The following MAGI2 variants were observed in gnomAD, a reference collection of about 807,000 sequenced individuals.
The protein encoded by MAGI2 is membrane-associated guanylate kinase, WW and PDZ domain-containing protein 2.
Under a neutral mutation model 133.3 loss-of-function variants are expected in MAGI2, and 35 were observed. That is an observed-to-expected ratio of 0.26 (90% CI 0.20 to 0.35). The LOEUF is 0.35. Ranked by LOEUF, MAGI2 falls within the 10% of genes least tolerant of loss-of-function variation. The pLI is 1.00. For synonymous variants in MAGI2, 729 were observed against 710.6 expected, an observed-to-expected ratio of 1.03 and a Z score of -0.41; for missense variants, 1,636 against 1,863.4, an observed-to-expected ratio of 0.88 and a Z score of 2.25.
intron 2 of MAGI2, among the ~76,000 whole-genome samples, chr7:78,954,698 C>T (rs1173726641): frequency 6.6e-6 from 1 of 152,150 alleles, no homozygotes; most frequent in Admixed American, 6.6e-5. Context: ...TACTGCATAA[C>T]ATTTAAAACA....
chr7:78,677,788 A>G (rs970445899), intron 2 of MAGI2, among the ~76,000 whole-genome samples: 2 of 152,146 alleles, frequency 1.3e-5, no homozygotes, highest in African/African-American at 2.4e-5. Context: ...GCGTCCAGTG[A>G]TATTAAATGA....
intron 20 of MAGI2, among the ~76,000 whole-genome samples, chr7:78,109,812 A>G (rs1485872347): frequency 1.5e-4 from 23 of 152,214 alleles, no homozygotes. Flanking sequence ...GGACCCATCT[A>G]GCTACTGGAA....
intron 2 of MAGI2, among the ~76,000 whole-genome samples, chr7:78,833,534 C>G (rs563181497): frequency 6.6e-6 from 1 of 152,232 alleles, no homozygotes; most frequent in South Asian, 2.1e-4. Context: ...CCGGATCCTG[C>G]AACAGTAAAG....
intron 1 of MAGI2, among the ~76,000 whole-genome samples, chr7:79,439,974 T>G (rs1848391720): frequency 6.6e-6 from 1 of 152,072 alleles, no homozygotes; most frequent in Non-Finnish European, 1.5e-5. Context: ...TCCCCTGAAA[T>G]AGCACCAATA....
At chr7:79,438,375 T>C (rs942159023) in intron 1 of MAGI2, among the ~76,000 whole-genome samples, 1 of 152,032 alleles carries the variant, frequency 6.6e-6, no homozygotes, top group African/African-American at 2.4e-5. Flanking sequence ...TTCCAATGCC[T>C]AATCTAAATT....
chr7:78,286,048 T>C (rs562061409), intron 9 of MAGI2, among the ~76,000 whole-genome samples: 4 of 152,304 alleles, frequency 2.6e-5, no homozygotes, highest in African/African-American at 9.6e-5. Context: ...TAGAATAAAG[T>C]GCACTGCATT....
In MAGI2 at chr7:78,225,938, A is replaced by G. The variant is rs987786077; in HGVS notation, c.2048-24745T>C. Among the ~76,000 whole-genome samples the G allele has an allele frequency of 2.6e-5, 4 of 152,224 alleles. No homozygotes were observed. In the East Asian group the frequency reaches 7.7e-4, roughly 29 times the overall value. On this transcript the variant is annotated intron_variant, in intron 10 of 21. Transcript: ENST00000354212. ...CAACGCCGAGGGTGCTGTTCACATGATAGATAAGTCTAAGACAGGGAGTGC... is the reference window on the plus strand; with the variant it reads ...CAACGCCGAGGGTGCTGTTCACATGGTAGATAAGTCTAAGACAGGGAGTGC...
chr7:78,680,863 G>C (rs1171701897), intron 2 of MAGI2, among the ~76,000 whole-genome samples: 1 of 152,090 alleles, frequency 6.6e-6, no homozygotes, highest in Non-Finnish European at 1.5e-5. Context: ...GCCTGAGAGG[G>C]CTGGGATAAG....
chr7:79,058,519 C>T (rs1375206777), intron 1 of MAGI2, among the ~76,000 whole-genome samples: 1 of 152,072 alleles, frequency 6.6e-6, no homozygotes, highest in Non-Finnish European at 1.5e-5. Context: ...GTGGGTAATA[C>T]TTTTACCCTC....
At chr7:79,108,784 G>A (rs1818658995) in intron 1 of MAGI2, among the ~76,000 whole-genome samples, 1 of 152,186 alleles carries the variant, frequency 6.6e-6, no homozygotes, top group Admixed American at 6.5e-5. Context: ...GGCTTGGTGG[G>A]AGGTGTTTAG....
chr7:78,590,348 T>G (rs1490846014), intron 3 of MAGI2, among the ~76,000 whole-genome samples: 1 of 152,166 alleles, frequency 6.6e-6, no homozygotes, highest in African/African-American at 2.4e-5. Context: ...GTCCTGGAGC[T>G]GATCTCCAGT....
chr7:79,394,059 A>G (rs1286770024), intron 1 of MAGI2, among the ~76,000 whole-genome samples: 1 of 152,178 alleles, frequency 6.6e-6, no homozygotes, highest in Non-Finnish European at 1.5e-5. Flanking sequence ...TCACTGGTGT[A>G]CAAGAGTTCT....
chr7:78,419,501 T>G (rs1429683446), intron 6 of MAGI2, among the ~76,000 whole-genome samples: 1 of 151,800 alleles, frequency 6.6e-6, no homozygotes, highest in Non-Finnish European at 1.5e-5. Flanking sequence ...TTGATCAAGT[T>G]TAAAGAAACT....
intron 2 of MAGI2, among the ~76,000 whole-genome samples, chr7:78,968,110 C>A (rs796959518): frequency 6.6e-6 from 1 of 152,240 alleles, no homozygotes; most frequent in East Asian, 1.9e-4. Flanking sequence ...GGATTACAGG[C>A]GTGAGCCACC....
In MAGI2 at chr7:78,201,171, A is replaced by C. The variant is rs1160558046; in HGVS notation, c.2070T>G (p.Thr690=). Residue 690 remains threonine (T), a synonymous_variant, in exon 11 of 22, where the codon ACT becomes ACG. Transcript: ENST00000354212. ...HRGGFFSPWK[T]PKPIMDRWEN... is the part of the protein sequence containing the mutation. ...AATAATTCCAACTTACAGGCTTTGG[A>C]GTTTTCCATGGAGAAAAGAAACCTG... 1.3e-6 allele frequency: 2 copies of C among 1,485,562 alleles called. No individual in the cohort carries two copies. Among genetic ancestry groups the C allele is most frequent in the Admixed American group, 2.7e-5 (1 of 36,738 alleles). 92.0% of individuals were successfully genotyped at this position (1,485,562 alleles called of 1,614,324 possible). A position where few individuals can be genotyped will look rare whatever the true frequency, so the allele number is the denominator to read the frequency against.
At chr7:78,649,587 A>G (rs1220418379) in intron 2 of MAGI2, among the ~76,000 whole-genome samples, 1 of 152,050 alleles carries the variant, frequency 6.6e-6, no homozygotes, top group Non-Finnish European at 1.5e-5. Context: ...TAATAAAACT[A>G]TTTTCTTTGT....
At chr7:78,483,875 T>G (rs1792688344) in intron 6 of MAGI2, among the ~76,000 whole-genome samples, 1 of 152,008 alleles carries the variant, frequency 6.6e-6, no homozygotes, top group South Asian at 2.1e-4. Flanking sequence ...GAAGTTTTAG[T>G]ACTTGAATAG....
At position 78,501,899 on chromosome 7, in the gene MAGI2, T is replaced by G. The variant is rs1002871197; in HGVS notation, c.755-112A>C. The G allele has an allele frequency of 6.9e-6, 5 of 728,092 alleles. No individual in the cohort carries two copies. In the African/African-American group the frequency reaches 8.8e-5, roughly 13 times the overall value. The allele number at this position is 728,092 out of a possible 1,614,324, so 45.1% of individuals were successfully genotyped here. A position where few individuals can be genotyped will look rare whatever the true frequency, so the allele number is the denominator to read the frequency against. On this transcript the variant is annotated intron_variant, in intron 4 of 21. Coordinates refer to ENST00000354212, the MANE Select transcript of MAGI2 (RefSeq NM_012301.4). ...CGTCATGAATAACTTCTATGAAGGC[T>G]AACAGGAAACATTTCTGAAAAAGCA...
At chr7:78,134,821 A>C in intron 17 of MAGI2, 200 bp downstream of exon 17, 2 of 546,972 alleles carry the variant, frequency 3.7e-6, no homozygotes, top group Non-Finnish European at 6.5e-6. Context: ...TGAATGAAAC[A>C]GGTACTGAGT....
Sources: allele counts gnomAD v4.1 joint callset (sites outside exome capture counted in the v4.1 genomes callset), GRCh38; gene constraint gnomAD v4.1.1; transcripts MANE v1.5; gene names NCBI Gene and HGNC (gene_info 2026-07-23, HGNC 2026-07-21).